The following ATG10 variants were observed in gnomAD, a reference collection of about 807,000 sequenced individuals.
ATG10 encodes the protein ubiquitin-like-conjugating enzyme ATG10.
A neutral mutation model predicts 32.1 loss-of-function variants in ATG10; 30 were observed. The ratio of observed to expected loss-of-function variants is 0.94; its 90% CI spans 0.70 to 1.27. The LOEUF (loss-of-function observed/expected upper bound fraction) is 1.27, where lower values mean the gene tolerates loss of function less well. Ranked by LOEUF, ATG10 falls within the 50% of genes most tolerant of loss-of-function variation. The pLI is 0.00. For synonymous variants in ATG10, 87 were observed against 91.5 expected (o/e 0.95, Z 0.28); for missense variants, 233 against 262.3 (o/e 0.89, Z 0.77).
chr5:81,994,417 G>A (rs1343021164), intron 2 of ATG10, among the ~76,000 whole-genome samples: 1 of 152,150 alleles, frequency 6.6e-6, no homozygotes, highest in African/African-American at 2.4e-5. Context: ...GTATCATCAA[G>A]GGATTATAAA....
At chr5:82,105,830 G>A (rs73134755) in intron 3 of ATG10, among the ~76,000 whole-genome samples, 6 of 152,234 alleles carry the variant, frequency 3.9e-5, no homozygotes, top group African/African-American at 1.4e-4. Flanking sequence ...TACTGCAGTG[G>A]CTAAACCCTT....
At chr5:82,090,903 G>A (rs1299239964) in intron 3 of ATG10, among the ~76,000 whole-genome samples, 1 of 152,120 alleles carries the variant, frequency 6.6e-6, no homozygotes, top group African/African-American at 2.4e-5. Flanking sequence ...ATAACTAGGA[G>A]GATGAAGGTG....
intron 3 of ATG10, among the ~76,000 whole-genome samples, chr5:82,136,776 C>T (rs902496101): frequency 2.6e-5 from 4 of 152,256 alleles, no homozygotes; most frequent in East Asian, 1.9e-4. Flanking sequence ...AGGTTGGGGA[C>T]GTTCTCCTGG....
chr5:82,120,079 T>C (rs1765986861), intron 3 of ATG10, among the ~76,000 whole-genome samples: 1 of 151,890 alleles, frequency 6.6e-6, no homozygotes, highest in South Asian at 2.1e-4. Context: ...ATTGGAAGGG[T>C]TGCTACTCCT....
At chr5:82,114,787 A>G (rs769881037) in intron 3 of ATG10, among the ~76,000 whole-genome samples, 13 of 152,042 alleles carry the variant, frequency 8.6e-5, no homozygotes, top group Non-Finnish European at 1.8e-4. Context: ...TGACTGATAC[A>G]TAGGTAAATC....
At chr5:82,168,573 T>C (rs961817595) in intron 4 of ATG10, among the ~76,000 whole-genome samples, 3 of 152,218 alleles carry the variant, frequency 2.0e-5, no homozygotes, top group Admixed American at 1.3e-4. Flanking sequence ...CTGTCCTTTA[T>C]GGAGACCATT....
At chr5:82,104,519 C>A (rs1765384801) in intron 3 of ATG10, among the ~76,000 whole-genome samples, 1 of 151,766 alleles carries the variant, frequency 6.6e-6, no homozygotes, top group Non-Finnish European at 1.5e-5. Context: ...TTTTTCTGAA[C>A]ACTATTCAAA....
chr5:82,127,838 C>G (rs142499520), intron 3 of ATG10, among the ~76,000 whole-genome samples: 2 of 151,950 alleles, frequency 1.3e-5, no homozygotes, highest in Non-Finnish European at 2.9e-5. Context: ...AATATCCTTG[C>G]TAATTTTCTG....
intron 3 of ATG10, among the ~76,000 whole-genome samples, chr5:82,156,925 T>C (rs1767820501): frequency 6.6e-6 from 1 of 152,240 alleles, no homozygotes; most frequent in Non-Finnish European, 1.5e-5. Context: ...CACCTTTTAC[T>C]TGGCGTGTTT....
intron 2 of ATG10, among the ~76,000 whole-genome samples, chr5:81,997,880 T>C (rs561964659): frequency 8.5e-5 from 13 of 152,254 alleles, no homozygotes; most frequent in Non-Finnish European, 7.4e-5. Flanking sequence ...TTGAAAAATA[T>C]AGAGTTATGT....
At chr5:82,072,881 G>A (rs1764172716) in intron 3 of ATG10, among the ~76,000 whole-genome samples, 1 of 152,128 alleles carries the variant, frequency 6.6e-6, no homozygotes, top group Non-Finnish European at 1.5e-5. Flanking sequence ...TACATAATTA[G>A]TGATGTAAAA....
chr5:81,982,241 G>C (rs1026744202), intron 1 of ATG10, among the ~76,000 whole-genome samples: 10 of 152,146 alleles, frequency 6.6e-5, no homozygotes, highest in Non-Finnish European at 1.3e-4. Flanking sequence ...GGTGGTGGGT[G>C]GATTGCCTGA....
intron 5 of ATG10, among the ~76,000 whole-genome samples, chr5:82,221,392 G>A (rs1349109498): frequency 1.3e-5 from 2 of 152,172 alleles, no homozygotes; most frequent in Non-Finnish European, 2.9e-5. Context: ...ACTAATAAAT[G>A]TTCAATGACA....
In ATG10 at chr5:82,165,232, C is replaced by T. The variant is rs557555924; in HGVS notation, c.355+695C>T. ...GCATTGGGATGTGCTGCCACCCAGG[C>T]CCAGGGACCAAGATGAGCCTCCTGT... On this transcript the variant is annotated intron_variant, in intron 4 of 7. Transcript: ENST00000282185. 2.6e-4 allele frequency among the ~76,000 whole-genome samples: 40 copies of T among 152,312 alleles called. 1 individual carries two copies. In the South Asian group the frequency reaches 3.9e-3, roughly 15 times the overall value.
intron 5 of ATG10, among the ~76,000 whole-genome samples, chr5:82,187,679 G>A (rs146218272): frequency 0.056 from 8,555 of 151,480 alleles, 321 homozygotes; most frequent in Non-Finnish European, 0.079. Flanking sequence ...TCTGCTTCCC[G>A]GGGGTTCAAG....
At chr5:82,188,178 C>G (rs1013036019) in intron 5 of ATG10, among the ~76,000 whole-genome samples, 4 of 152,052 alleles carry the variant, frequency 2.6e-5, no homozygotes, top group Non-Finnish European at 5.9e-5. Context: ...TATAAATAAC[C>G]AGGATGCTGG....
At chr5:82,053,147 A>G (rs1763480839) in intron 2 of ATG10, among the ~76,000 whole-genome samples, 2 of 152,218 alleles carry the variant, frequency 1.3e-5, no homozygotes, top group South Asian at 2.1e-4. Context: ...CTTTGTCTAT[A>G]CATTCCCTTT....
intron 2 of ATG10, among the ~76,000 whole-genome samples, chr5:82,015,833 A>C (rs920408230): frequency 2.6e-5 from 4 of 152,318 alleles, no homozygotes; most frequent in Admixed American, 6.5e-5. Flanking sequence ...AACTTGTCAA[A>C]GTCATTCTCC....
Position 82,022,838 on chromosome 5 carries a change from T to C in ATG10, c.108+35160T>C, listed in dbSNP as rs551068216. On this transcript the variant is annotated intron_variant, in intron 2 of 7. Coordinates refer to ENST00000282185, the MANE Select transcript of ATG10 (RefSeq NM_031482.5). ...TTTATGTTCGAGGCAGGGTCAAGAC[T>C]GGAACCAAGGTGTGTCTGCCTCCAA... Among the ~76,000 whole-genome samples the C allele has an allele frequency of 3.9e-5, 6 of 152,114 alleles. No homozygotes were observed. The South Asian group carries it at 8.3e-4, about 21-fold the overall frequency.
Sources: allele counts gnomAD v4.1 joint callset (sites outside exome capture counted in the v4.1 genomes callset), GRCh38; gene constraint gnomAD v4.1.1; transcripts MANE v1.5; gene names NCBI Gene and HGNC (gene_info 2026-07-23, HGNC 2026-07-21).